The following RFC1 variants were observed in gnomAD, a reference collection of about 807,000 sequenced individuals.
The protein encoded by RFC1 is replication factor C subunit 1.
Under a neutral mutation model 137.4 loss-of-function variants are expected in RFC1, and 37 were observed. The ratio of observed to expected loss-of-function variants is 0.27; its 90% CI spans 0.21 to 0.35. The LOEUF (loss-of-function observed/expected upper bound fraction) is 0.35. RFC1 is among the 10% of genes least tolerant of loss of function. The pLI is 1.00. For synonymous variants in RFC1, 429 were observed against 455.7 expected, an observed-to-expected ratio of 0.94 and a Z score of 0.75; for missense variants, 1,205 against 1,358.5, an observed-to-expected ratio of 0.89 and a Z score of 1.78.
chr4:39,298,114 G>A (rs536456906), intron 21 of RFC1, among the ~76,000 whole-genome samples: 2 of 152,204 alleles, frequency 1.3e-5, no homozygotes, highest in South Asian at 2.1e-4. Context: ...TTCAAGACCA[G>A]CCTGGCCAAC....
intron 4 of RFC1, among the ~76,000 whole-genome samples, chr4:39,334,516 T>A (rs1375730138): frequency 6.6e-6 from 1 of 152,262 alleles, no homozygotes; most frequent in East Asian, 1.9e-4. Context: ...TTTACAATCC[T>A]ACACAGTGTG....
rs369274424 is a variant in RFC1, at chr4:39,302,584, C to T, written c.2352G>A (p.Met784Ile). 3 of 1,600,994 alleles carry T rather than the reference C, an allele frequency of 1.9e-6. No individual in the cohort carries two copies. The highest frequency in any genetic ancestry group is 2.6e-6 in the Non-Finnish European group (3 of 1,172,956). ...PRVEQIKGAM[M>I]SIAFKEGLKI... Reference sequence around the variant, plus strand: ...TTAAACCTTCTTTAAATGCAATAGACATCATAGCACCCTGAAATTGACAAG... The same window carrying T: ...TTAAACCTTCTTTAAATGCAATAGATATCATAGCACCCTGAAATTGACAAG... The change falls in exon 18 of 25, where the codon ATG (methionine) becomes ATA (isoleucine). Residue 784 changes from methionine (M) to isoleucine (I), a missense_variant. This residue lies in a region of RFC1 where 962 missense variants were observed against 1,035.3 expected (regional missense o/e 0.93). Coordinates refer to ENST00000349703, the MANE Select transcript of RFC1 (RefSeq NM_002913.5).
At chr4:39,360,224 G>A (rs953812933) in intron 1 of RFC1, among the ~76,000 whole-genome samples, 2 of 151,922 alleles carry the variant, frequency 1.3e-5, no homozygotes, top group African/African-American at 2.4e-5. Context: ...AAATCGGCCA[G>A]GTGCGGTGGC....
At chr4:39,292,788 C>CCCG (rs1429134630) in intron 22 of RFC1, among the ~76,000 whole-genome samples, 147 of 151,610 alleles carry the variant, frequency 9.7e-4, no homozygotes, top group African/African-American at 3.4e-3. Context: ...ATTACAGGCA[C>CCCG]CCGCCACCAC....
In RFC1 at chr4:39,303,067, C is replaced by G; in HGVS notation, c.2195G>C (p.Gly732Ala). 1 of 1,610,270 alleles carries G rather than the reference C, an allele frequency of 6.2e-7. No homozygotes were observed. The highest frequency in any genetic ancestry group is 1.7e-5 in the Admixed American group (1 of 60,020). Residue 732 changes from glycine (G) to alanine (A), a missense_variant, in exon 16 of 25, where the codon GGA (glycine) becomes GCA (alanine). Physicochemically the swap from Gly to Ala is moderately conservative, Grantham distance 60. Around this residue, in one of 3 missense-constraint regions of RFC1, gnomAD observed 962 missense variants for 1,035.3 expected, o/e 0.93. Transcript: ENST00000349703. The stretch of plus-strand genomic sequence containing the variant: ...ATACAGCACTTGAATTACCTGAATT[C>G]CTCCCCTATCCTCATTGCCTGCCAT... ...DGMAGNEDRG[G>A]IQELIGLIKH... is the part of the protein sequence containing the mutation.
At chr4:39,322,670 TTGGGAGGCTGAGG>T (rs1205035298) in intron 7 of RFC1, among the ~76,000 whole-genome samples, 1 of 151,878 alleles carries the variant, frequency 6.6e-6, no homozygotes, top group Non-Finnish European at 1.5e-5. Flanking sequence ...TCCCAACACT[TTGGGAGGCTGAGG>T]TGGGAGGATA....
rs370269876 is a variant in RFC1, at chr4:39,322,770, C to T, written c.720+570G>A. ...ATCCAGCCTGGGCAACAGAGTGAGA[C>T]CTTGTCTCAAAAAAAAAAAAAAGAA... On this transcript the variant is annotated intron_variant, in intron 7 of 24. Transcript: ENST00000349703. Among the ~76,000 whole-genome samples, 504 of 150,594 alleles carry T rather than the reference C, an allele frequency of 3.3e-3. 10 individuals carry two copies. In the South Asian group the frequency reaches 0.058, roughly 17 times the overall value.
Position 39,306,682 on chromosome 4 carries a change from G to C in RFC1, c.1905C>G (p.Ser635=), listed in dbSNP as rs757368103. ...TAAAACTAGAGCCATCATCTTTGCC[G>C]GAAAATTTACCAAACTTTGCTGCTA... ...DKKHAKFGKF[S]GKDDGSSFKA... Residue 635 remains serine, a synonymous_variant, in exon 14 of 25, where the codon TCC becomes TCG. Coordinates refer to ENST00000349703, the MANE Select transcript of RFC1 (RefSeq NM_002913.5). 6.2e-7 allele frequency: 1 copy of C among 1,612,896 alleles called. No homozygotes were observed. Among genetic ancestry groups the C allele is most frequent in the South Asian group, 1.1e-5 (1 of 91,034 alleles).
intron 7 of RFC1, chr4:39,321,631 A>C: frequency 3.3e-6 from 1 of 306,598 alleles, no homozygotes; most frequent in Non-Finnish European, 6.0e-6. Flanking sequence ...CCCAACCTGT[A>C]AATCTGGAAG....
At chr4:39,330,475 C>T (rs976754944) in intron 4 of RFC1, among the ~76,000 whole-genome samples, 2 of 151,966 alleles carry the variant, frequency 1.3e-5, no homozygotes, top group Non-Finnish European at 2.9e-5. Context: ...TACAGCTCAC[C>T]CCTCCCTCCA....
chr4:39,343,232 A>G (rs917454599), intron 3 of RFC1, among the ~76,000 whole-genome samples: 17 of 152,168 alleles, frequency 1.1e-4, no homozygotes, highest in African/African-American at 4.1e-4. Context: ...TATGTTGGCC[A>G]GGCTGGTCTG....
intron 12 of RFC1, 62 bp from the exon 13 acceptor site, chr4:39,309,094 G>A: frequency 5.3e-6 from 8 of 1,508,552 alleles, no homozygotes; most frequent in Middle Eastern, 3.6e-4. Flanking sequence ...TTTCTATCCT[G>A]CTAAACGTAC....
At chr4:39,305,611 A>ACAAAAAAATAAAATAAGATAT (rs1738600171) in intron 14 of RFC1, among the ~76,000 whole-genome samples, 1 of 152,134 alleles carries the variant, frequency 6.6e-6, no homozygotes, top group Non-Finnish European at 1.5e-5. Context: ...GTGTCTCAAA[A>ACAAAAAAATAAAATAAGATAT]CAAAAAAATA....
chr4:39,302,321 T>A lies in RFC1; in HGVS notation c.2492A>T (p.Gln831Leu), dbSNP rs1372749611. The change falls in exon 19 of 25, where the codon CAG becomes CTG. Residue 831 changes from glutamine to leucine, a missense_variant. Gln to Leu is a moderately radical substitution (Grantham distance 113, BLOSUM62 -2). Coordinates refer to ENST00000349703, the MANE Select transcript of RFC1 (RefSeq NM_002913.5). ...CARSKALTYDQAKADSHRAKK... is the reference protein window; with the variant it reads ...CARSKALTYDLAKADSHRAKK... ...GGCTCTGTGAGAATCAGCTTTGGCC[T>A]GGTCATAGGTTAATGCTTTACTTCG... is the stretch of plus-strand genomic sequence containing the variant. 2 of 1,613,408 alleles carry A rather than the reference T, an allele frequency of 1.2e-6. No individual in the cohort carries two copies. Among genetic ancestry groups the A allele is most frequent in the Non-Finnish European group, 8.5e-7 (1 of 1,179,340 alleles).
chr4:39,365,994 G>T (rs1472366248), intron 1 of RFC1, among the ~76,000 whole-genome samples: 2 of 152,180 alleles, frequency 1.3e-5, no homozygotes, highest in African/African-American at 2.4e-5. Context: ...GGGGGCGGGG[G>T]GAAAGTGCAA....
intron 21 of RFC1, among the ~76,000 whole-genome samples, chr4:39,296,720 C>A (rs1358660668): frequency 2.0e-5 from 3 of 151,138 alleles, no homozygotes; most frequent in Non-Finnish European, 4.4e-5. Context: ...CATACATGTG[C>A]ATGTGTCTTT....
At chr4:39,365,325 A>T in intron 1 of RFC1, 2 of 189,628 alleles carry the variant, frequency 1.1e-5, no homozygotes, top group Non-Finnish European at 1.7e-5. Flanking sequence ...GCCCCCCCCC[A>T]GAATGTTGTC....
At chr4:39,313,748 A>T (rs1183251330) in intron 10 of RFC1, among the ~76,000 whole-genome samples, 1 of 152,208 alleles carries the variant, frequency 6.6e-6, no homozygotes, top group Non-Finnish European at 1.5e-5. Flanking sequence ...TGATTCTAAA[A>T]AGCTAAGCAA....
At chr4:39,296,523 A>G (rs1379787857) in intron 21 of RFC1, among the ~76,000 whole-genome samples, 1 of 144,828 alleles carries the variant, frequency 6.9e-6, no homozygotes, top group Non-Finnish European at 1.5e-5. Flanking sequence ...TGTTCTTGCA[A>G]TAGTTTACTG....
Sources: allele counts gnomAD v4.1 joint callset (sites outside exome capture counted in the v4.1 genomes callset), GRCh38; gene constraint gnomAD v4.1.1; regional missense constraint gnomAD v4.1.1; transcripts MANE v1.5; gene names NCBI Gene and HGNC (gene_info 2026-07-23, HGNC 2026-07-21).